Variants in PDZRN3 observed in about 807,000 individuals in gnomAD.
PDZRN3 encodes the protein PDZ domain containing ring finger 3.
Under a neutral mutation model 85.7 loss-of-function variants are expected in PDZRN3, and 38 were observed. The ratio of observed to expected loss-of-function variants is 0.44; its 90% confidence interval spans 0.34 to 0.58. The LOEUF (loss-of-function observed/expected upper bound fraction) is 0.58. Ranked by LOEUF, PDZRN3 falls within the 20% of genes least tolerant of loss-of-function variation. The pLI is 0.01. For synonymous variants in PDZRN3, 759 were observed against 638.0 expected (o/e 1.19, Z -2.86); for missense variants, 1,629 against 1,506.4 (o/e 1.08, Z -1.35).
At chr3:73,528,534 T>C (rs112177958) in intron 3 of PDZRN3, among the ~76,000 whole-genome samples, 73 of 152,180 alleles carry the variant, frequency 4.8e-4, no homozygotes, top group African/African-American at 1.7e-3. Flanking sequence ...AGAAAGAGAA[T>C]GATCTTTTAT....
At chr3:73,394,625 T>C (rs1232812508) in intron 5 of PDZRN3, among the ~76,000 whole-genome samples, 1 of 152,242 alleles carries the variant, frequency 6.6e-6, no homozygotes, top group Non-Finnish European at 1.5e-5. Flanking sequence ...TCTAGGTATT[T>C]ACTTGACGTG....
chr3:73,383,813 C>A lies in PDZRN3; in HGVS notation c.2753G>T (p.Arg918Leu). 4 of 1,613,530 alleles carry A rather than the reference C, an allele frequency of 2.5e-6. No homozygotes were observed. The highest frequency in any genetic ancestry group is 1.1e-5 in the South Asian group (1 of 91,084). The change falls in exon 10 of 10, where the codon CGC (arginine) becomes CTC (leucine). Residue 918 changes from arginine (R) to leucine (L), a missense_variant. By Grantham distance (102) the Arg-to-Leu change is moderately radical. Transcript: ENST00000263666. ...DLSSPTPSEP[R>L]MEWKVKIRSD... Reference sequence around the variant, plus strand: ...GCGGATCTTCACCTTCCACTCCATGCGCGGCTCCGACGGGGTGGGAGAGCT... The same window carrying A: ...GCGGATCTTCACCTTCCACTCCATGAGCGGCTCCGACGGGGTGGGAGAGCT...
intron 3 of PDZRN3, among the ~76,000 whole-genome samples, chr3:73,455,239 T>C (rs1435533808): frequency 6.6e-6 from 1 of 152,226 alleles, no homozygotes; most frequent in Non-Finnish European, 1.5e-5. Flanking sequence ...ATCCTTACAA[T>C]GACTTTACAA....
At chr3:73,568,607 C>T (rs1158408970) in intron 3 of PDZRN3, among the ~76,000 whole-genome samples, 1 of 152,188 alleles carries the variant, frequency 6.6e-6, no homozygotes, top group East Asian at 1.9e-4. Context: ...GCATGTGAGA[C>T]AGACCGATGT....
rs147807843 is a variant in PDZRN3 at position 73,520,429 on chromosome 3, G to C, written c.918+81925C>G. ...TGAGGCAGGAGGAACGCTTGAGCCC[G>C]GGAAGCTAAGGCTGCAGTGAGCCGA... is the stretch of plus-strand genomic sequence containing the variant. On this transcript the variant is annotated intron_variant, in intron 3 of 9. Transcript: ENST00000263666. Among the ~76,000 whole-genome samples, 631 of 151,750 alleles carry C rather than the reference G, an allele frequency of 4.2e-3. 2 individuals carry two copies. Among genetic ancestry groups the C allele is most frequent in the Non-Finnish European group, 7.5e-3 (511 of 67,904 alleles).
intron 3 of PDZRN3, among the ~76,000 whole-genome samples, chr3:73,466,464 A>G (rs913270800): frequency 2.0e-5 from 3 of 152,218 alleles, no homozygotes; most frequent in African/African-American, 7.2e-5. Flanking sequence ...AATGATGGTA[A>G]AAACCTCACC....
At chr3:73,433,567 A>G in intron 3 of PDZRN3, 1 of 994,344 alleles carries the variant, frequency 1.0e-6, no homozygotes, top group South Asian at 1.4e-5. Context: ...AATCCCCACT[A>G]CCTTTCCTAG....
chr3:73,403,753 G>C (rs1448710985), intron 4 of PDZRN3, among the ~76,000 whole-genome samples: 1 of 152,078 alleles, frequency 6.6e-6, no homozygotes, highest in African/African-American at 2.4e-5. Context: ...AAAGCAGAAG[G>C]CACAACCTCC....
intron 3 of PDZRN3, among the ~76,000 whole-genome samples, chr3:73,450,921 C>T (rs1244533885): frequency 1.3e-5 from 2 of 151,942 alleles, no homozygotes; most frequent in Admixed American, 6.6e-5. Flanking sequence ...GAATATTTCT[C>T]ATGCTCTTTA....
At chr3:73,547,956 T>C (rs368711676) in intron 3 of PDZRN3, among the ~76,000 whole-genome samples, 2 of 152,208 alleles carry the variant, frequency 1.3e-5, no homozygotes, top group East Asian at 3.8e-4. Context: ...AACTACATTT[T>C]GATGAGCTAC....
At chr3:73,616,425 G>A (rs1232065019) in intron 1 of PDZRN3, among the ~76,000 whole-genome samples, 2 of 152,142 alleles carry the variant, frequency 1.3e-5, no homozygotes, top group African/African-American at 4.8e-5. Flanking sequence ...TAATTTGGGT[G>A]GGAAAAACAT....
intron 3 of PDZRN3, among the ~76,000 whole-genome samples, chr3:73,593,166 T>C (rs752805239): frequency 2.0e-5 from 3 of 152,106 alleles, no homozygotes; most frequent in Admixed American, 1.3e-4. Context: ...AGATATCACA[T>C]GTAAAGATGA....
rs1228259779 is a variant in PDZRN3, at chr3:73,624,145, G to A, written c.681C>T (p.Leu227=). The change falls in exon 1 of 10, where the codon CTC becomes CTT. Residue 227 remains leucine (L), a synonymous_variant. Transcript: ENST00000263666. ...QKKFTEYSAR[L]DSLSRCVAAP... ...CGGCCACGCAGCGGCTGAGCGAGTC[G>A]AGGCGCGCGCTGTATTCGGTGAATT... 4 of 1,492,964 alleles carry A rather than the reference G, an allele frequency of 2.7e-6. No homozygotes were observed. Among genetic ancestry groups the A allele is most frequent in the Non-Finnish European group, 3.5e-6 (4 of 1,127,620 alleles). 92.5% of individuals were successfully genotyped at this position (1,492,964 alleles called of 1,614,324 possible). A position where few individuals can be genotyped will look rare whatever the true frequency, so the allele number is the denominator to read the frequency against.
Position 73,580,248 on chromosome 3 carries a change from T to C in PDZRN3, c.918+22106A>G, listed in dbSNP as rs192339540. Among the ~76,000 whole-genome samples the C allele has an allele frequency of 3.6e-3, 546 of 152,340 alleles. 6 individuals are homozygous for C. The highest frequency in any genetic ancestry group is 0.013 in the African/African-American group (528 of 41,588). Reference sequence around the variant, plus strand: ...AGTCCACAAGTCCCATGAAATTGTATGTATACAAGTGAGAGGGAGAGAGGA... The same window carrying C: ...AGTCCACAAGTCCCATGAAATTGTACGTATACAAGTGAGAGGGAGAGAGGA... On this transcript the variant is annotated intron_variant, in intron 3 of 9. Coordinates refer to ENST00000263666, the MANE Select transcript of PDZRN3 (RefSeq NM_015009.3).
chr3:73,396,331 G>C (rs566717129), intron 5 of PDZRN3, among the ~76,000 whole-genome samples: 1 of 152,204 alleles, frequency 6.6e-6, no homozygotes, highest in Non-Finnish European at 1.5e-5. Context: ...GGCATGTAAC[G>C]ATCTGGGGCA....
intron 2 of PDZRN3, 121 bp from the exon 3 acceptor site, chr3:73,602,582 AGGTATTTGT>A (rs1702531334): frequency 2.7e-5 from 17 of 624,842 alleles, no homozygotes; most frequent in Middle Eastern, 3.0e-4. Flanking sequence ...ATAGGGTAAA[AGGTATTTGT>A]TTCTCCTAAT....
intron 3 of PDZRN3, among the ~76,000 whole-genome samples, chr3:73,435,568 A>G (rs1335133561): frequency 6.6e-6 from 1 of 152,220 alleles, no homozygotes; most frequent in Non-Finnish European, 1.5e-5. Flanking sequence ...AACAGAGGTC[A>G]TATTTCTTCA....
intron 3 of PDZRN3, among the ~76,000 whole-genome samples, chr3:73,533,592 G>T (rs1233827816): frequency 6.6e-6 from 1 of 151,698 alleles, no homozygotes; most frequent in African/African-American, 2.4e-5. Context: ...AGGGGATTAT[G>T]TTGGGAACGT....
chr3:73,384,204 A>G lies in PDZRN3; in HGVS notation c.2362T>C (p.Cys788Arg). 2 of 1,613,948 alleles carry G rather than the reference A, an allele frequency of 1.2e-6. No individual in the cohort carries two copies. Among genetic ancestry groups the G allele is most frequent in the Non-Finnish European group, 1.7e-6 (2 of 1,180,020 alleles). The change falls in exon 10 of 10, where the codon TGC becomes CGC. Residue 788 changes from cysteine to arginine, a missense_variant. By Grantham distance (180) the Cys-to-Arg change is radical. Transcript: ENST00000263666. ...CCCACAGCCCCTTCGCTGCTCGGGC[A>G]GCTGATGCCCTCCGCCGCTCTCCTC... ...SLRRAAEGIS[C>R]PSSEGAVGTT...
Sources: allele counts gnomAD v4.1 joint callset (sites outside exome capture counted in the v4.1 genomes callset), GRCh38; gene constraint gnomAD v4.1.1; transcripts MANE v1.5; gene names NCBI Gene and HGNC (gene_info 2026-07-23, HGNC 2026-07-21).